Variants in GLCE observed in about 807,000 individuals in gnomAD.
GLCE encodes the protein D-glucuronyl C5-epimerase.
In GLCE, 19 loss-of-function variants were observed where a neutral mutation model predicts 47.9. That is an observed-to-expected ratio of 0.40 (90% CI 0.28 to 0.58). The LOEUF (loss-of-function observed/expected upper bound fraction) is 0.58, where lower values mean the gene tolerates loss of function less well. GLCE is among the 20% of genes least tolerant of loss of function. The probability of loss-of-function intolerance (pLI) is 0.48; values close to 1 mark genes in which losing one functional copy is unlikely to be tolerated. For missense variants in GLCE, 556 were observed against 743.3 expected, an observed-to-expected ratio of 0.75 and a Z score of 2.93; for synonymous variants, 245 against 263.4, an observed-to-expected ratio of 0.93 and a Z score of 0.68.
chr15:69,240,001 CT>C (rs2052644581), intron 2 of GLCE, among the ~76,000 whole-genome samples: 1 of 152,254 alleles, frequency 6.6e-6, no homozygotes, highest in East Asian at 1.9e-4. Context: ...TAAAGGATAA[CT>C]TTATAATGGC....
chr15:69,233,634 C>G (rs2052554742), intron 2 of GLCE, among the ~76,000 whole-genome samples: 1 of 152,112 alleles, frequency 6.6e-6, no homozygotes, highest in Admixed American at 6.5e-5. Context: ...AGTCTCTATC[C>G]TTATTACATA....
chr15:69,188,344 T>A (rs1035482362), intron 1 of GLCE, among the ~76,000 whole-genome samples: 11 of 152,270 alleles, frequency 7.2e-5, no homozygotes, highest in African/African-American at 2.7e-4. Context: ...TTTTTACATC[T>A]ATATTCATAG....
intron 1 of GLCE, among the ~76,000 whole-genome samples, chr15:69,199,673 C>A (rs2052048342): frequency 6.6e-6 from 1 of 152,186 alleles, no homozygotes; most frequent in Admixed American, 6.5e-5. Flanking sequence ...GTGGCACGGC[C>A]AGTGCCAGAT....
rs546560186 is a variant in GLCE at position 69,193,130 on chromosome 15, T to C, written c.-104-17186T>C. 4.0e-5 allele frequency among the ~76,000 whole-genome samples: 6 copies of C among 151,674 alleles called. No homozygotes were observed. The South Asian group carries it at 1.3e-3, about 32-fold the overall frequency. The stretch of plus-strand genomic sequence containing the variant: ...GTTTTGGCCTCCCTAAACTCTGATA[T>C]ATGTCTTTTCAATTCAGCAATGTTC... On this transcript the variant is annotated intron_variant, in intron 1 of 4. Transcript: ENST00000261858.
chr15:69,168,807 C>T (rs2051542774), intron 1 of GLCE, among the ~76,000 whole-genome samples: 2 of 152,202 alleles, frequency 1.3e-5, no homozygotes, highest in South Asian at 2.1e-4. Flanking sequence ...GCTTGGATTA[C>T]AGGCGTGAGC....
rs1368528203 is a variant in GLCE, at chr15:69,183,562, G to A, written c.-105+22805G>A. Among the ~76,000 whole-genome samples the A allele has an allele frequency of 2.0e-5, 3 of 152,190 alleles. No homozygotes were observed. The East Asian group carries it at 5.8e-4, about 29-fold the overall frequency. On this transcript the variant is annotated intron_variant, in intron 1 of 4. Coordinates refer to ENST00000261858, the MANE Select transcript of GLCE (RefSeq NM_015554.3). The stretch of plus-strand genomic sequence containing the variant: ...CGCCATAACTCATACCCTATAGTTC[G>A]ACAATATATAGTCAATCACTAATCA...
chr15:69,200,240 G>A (rs2052058577), intron 1 of GLCE, among the ~76,000 whole-genome samples: 2 of 152,136 alleles, frequency 1.3e-5, no homozygotes, highest in South Asian at 4.1e-4. Flanking sequence ...GATTGTTTAT[G>A]AGGTTGTTTT....
In GLCE at chr15:69,165,505, CTT is replaced by C. The variant is rs1172987241; in HGVS notation, c.-105+4768_-105+4769del. On this transcript the variant is annotated intron_variant, in intron 1 of 4. Transcript: ENST00000261858. ...TAAGATACAACGTAAGCACTGTCTG[CTT>C]TTTTTTTTTTTTTTTTTTTAGCTCT... Among the ~76,000 whole-genome samples the C allele has an allele frequency of 3.2e-4, 27 of 84,622 alleles. No individual in the cohort carries two copies. In the East Asian group the frequency reaches 3.9e-3, roughly 12 times the overall value. 55.5% of individuals were successfully genotyped at this position (84,622 alleles called of 152,430 possible). A position where few individuals can be genotyped will look rare whatever the true frequency, so the allele number is the denominator to read the frequency against.
At chr15:69,226,162 A>G (rs924925727) in intron 2 of GLCE, among the ~76,000 whole-genome samples, 1 of 152,142 alleles carries the variant, frequency 6.6e-6, no homozygotes, top group Non-Finnish European at 1.5e-5. Flanking sequence ...AACTTAAACT[A>G]CCTACCTTTA....
At chr15:69,198,843 C>T (rs906223300) in intron 1 of GLCE, among the ~76,000 whole-genome samples, 1 of 152,132 alleles carries the variant, frequency 6.6e-6, no homozygotes, top group Non-Finnish European at 1.5e-5. Context: ...GCGTGAACCA[C>T]CATGCTTGGC....
chr15:69,247,742 G>C (rs893920124), intron 2 of GLCE, among the ~76,000 whole-genome samples: 3 of 152,096 alleles, frequency 2.0e-5, no homozygotes, highest in Admixed American at 1.3e-4. Context: ...TGTCCATATT[G>C]GTGTGTCTCA....
intron 1 of GLCE, among the ~76,000 whole-genome samples, chr15:69,200,062 C>G (rs1351544653): frequency 6.6e-6 from 1 of 152,002 alleles, no homozygotes; most frequent in Non-Finnish European, 1.5e-5. Flanking sequence ...TAAAACTGTC[C>G]TTTCACTAGT....
intron 1 of GLCE, among the ~76,000 whole-genome samples, chr15:69,195,609 C>T (rs961316827): frequency 2.0e-5 from 3 of 152,058 alleles, no homozygotes; most frequent in African/African-American, 7.2e-5. Context: ...TCGTGTTGCT[C>T]CTTGTTGTCT....
At chr15:69,245,117 G>C (rs1365022731) in intron 2 of GLCE, among the ~76,000 whole-genome samples, 1 of 152,104 alleles carries the variant, frequency 6.6e-6, no homozygotes. Flanking sequence ...AGGATCACTT[G>C]AGGTCAGGAG....
intron 4 of GLCE, among the ~76,000 whole-genome samples, chr15:69,262,031 G>T (rs1007739336): frequency 6.6e-6 from 1 of 152,064 alleles, no homozygotes; most frequent in East Asian, 1.9e-4. Context: ...AATTCTCTAT[G>T]GGGGAATGTT....
chr15:69,172,988 A>G (rs562419997), intron 1 of GLCE, among the ~76,000 whole-genome samples: 2 of 152,268 alleles, frequency 1.3e-5, no homozygotes, highest in East Asian at 1.9e-4. Context: ...CAAATACAAG[A>G]TGGGAATCTT....
chr15:69,171,207 T>A (rs2051583049), intron 1 of GLCE, among the ~76,000 whole-genome samples: 1 of 152,172 alleles, frequency 6.6e-6, no homozygotes, highest in South Asian at 2.1e-4. Flanking sequence ...AAACATATTT[T>A]AAAAATATTT....
At chr15:69,166,503 C>T (rs2051503273) in intron 1 of GLCE, among the ~76,000 whole-genome samples, 1 of 152,210 alleles carries the variant, frequency 6.6e-6, no homozygotes, top group South Asian at 2.1e-4. Context: ...AATCCAACTC[C>T]TTCCTTTAGC....
At chr15:69,266,313 G>C (rs939366885) in intron 4 of GLCE, among the ~76,000 whole-genome samples, 1 of 151,934 alleles carries the variant, frequency 6.6e-6, no homozygotes, top group African/African-American at 2.4e-5. Context: ...ACTATCATCA[G>C]TTCACATTCC....
Sources: allele counts gnomAD v4.1 joint callset (sites outside exome capture counted in the v4.1 genomes callset), GRCh38; gene constraint gnomAD v4.1.1; transcripts MANE v1.5; gene names NCBI Gene and HGNC (gene_info 2026-07-23, HGNC 2026-07-21).